Variants in MRTFB observed in about 807,000 individuals in gnomAD.
MRTFB encodes the protein myocardin-related transcription factor B.
In MRTFB, 29 loss-of-function variants were observed where a neutral mutation model predicts 104.2. That is an observed-to-expected ratio of 0.28 (90% CI 0.21 to 0.38). MRTFB has a LOEUF of 0.38. MRTFB is among the 10% of genes least tolerant of loss of function. The pLI is 1.00. For synonymous variants in MRTFB, 535 were observed against 519.5 expected, an observed-to-expected ratio of 1.03 and a Z score of -0.41; for missense variants, 1,270 against 1,341.6, an observed-to-expected ratio of 0.95 and a Z score of 0.83.
intron 2 of MRTFB, among the ~76,000 whole-genome samples, chr16:14,112,338 G>A (rs1232976330): frequency 6.6e-6 from 1 of 152,198 alleles, no homozygotes; most frequent in Non-Finnish European, 1.5e-5. Flanking sequence ...CCTGGTTTAG[G>A]GAATGATCAT....
At chr16:14,065,267 A>C in the MRTFB span, among the ~76,000 whole-genome samples, 1 of 152,064 alleles carries the variant, frequency 6.6e-6, no homozygotes, top group Non-Finnish European at 1.5e-5. Context: ...CTTGGATGCT[A>C]TTGGTGTATG....
chr16:14,139,698 C>T (rs2037898710), intron 2 of MRTFB, among the ~76,000 whole-genome samples: 1 of 152,162 alleles, frequency 6.6e-6, no homozygotes, highest in Admixed American at 6.5e-5. Context: ...TTTGTAGCAT[C>T]CTTATTTGTA....
In MRTFB at chr16:14,177,098, G is replaced by A. The variant is rs1341861864; in HGVS notation, c.155-33145G>A. Among the ~76,000 whole-genome samples, 1 of 152,236 alleles carries A rather than the reference G, an allele frequency of 6.6e-6. No homozygotes were observed. The highest frequency in any genetic ancestry group is 1.9e-4 in the East Asian group (1 of 5,202). The stretch of plus-strand genomic sequence containing the variant: ...AACAAGGACAACACAGAGTGTATTA[G>A]TGAATACCAAGTAGTTCGAATTAGC... On this transcript the variant is annotated intron_variant, in intron 3 of 16. Transcript: ENST00000571589. This position sits in a 1 kb window ranked among gnomAD's most constrained non-coding sequence, Gnocchi z 4.7.
intron 3 of MRTFB, chr16:14,152,468 C>T (rs2038661954): frequency 6.6e-6 from 1 of 151,986 alleles, no homozygotes; most frequent in South Asian, 2.1e-4. Flanking sequence ...GCTGTAAGGT[C>T]ACTAGAGGGG....
chr16:14,234,464 A>G (rs977274516), intron 9 of MRTFB, among the ~76,000 whole-genome samples, 181 bp downstream of exon 9: 3 of 152,212 alleles, frequency 2.0e-5, no homozygotes, highest in South Asian at 2.1e-4. Flanking sequence ...AAATTGTGCT[A>G]TAGTCATAGA....
intron 3 of MRTFB, among the ~76,000 whole-genome samples, chr16:14,149,015 C>CA (rs1256643684): frequency 6.6e-6 from 1 of 152,156 alleles, no homozygotes; most frequent in African/African-American, 2.4e-5. Flanking sequence ...CCAGCTCTCT[C>CA]AATTAGTCAG....
intron 3 of MRTFB, among the ~76,000 whole-genome samples, chr16:14,178,628 A>G (rs571811234): frequency 2.0e-5 from 3 of 152,094 alleles, no homozygotes; most frequent in Non-Finnish European, 4.4e-5. Context: ...TCCTCTCTCC[A>G]TTTGAGTTAT....
At chr16:14,017,625 A>G in the MRTFB span, among the ~76,000 whole-genome samples, 13 of 66,324 alleles carry the variant, frequency 2.0e-4, 1 homozygote, top group South Asian at 8.5e-4. Context: ...ATATATATAT[A>G]TATATATATA....
intron 3 of MRTFB, among the ~76,000 whole-genome samples, chr16:14,158,031 A>G (rs567474708): frequency 6.6e-6 from 1 of 152,320 alleles, no homozygotes; most frequent in Non-Finnish European, 1.5e-5. Flanking sequence ...TTTTTAAGCT[A>G]TATGGTTTTT....
chr16:14,116,688 A>G lies in MRTFB; in HGVS notation c.-63-23856A>G, dbSNP rs1156929614. Among the ~76,000 whole-genome samples, 14 of 152,224 alleles carry G rather than the reference A, an allele frequency of 9.2e-5. No homozygotes were observed. The South Asian group carries it at 1.9e-3, about 20-fold the overall frequency. On this transcript the variant is annotated intron_variant, in intron 2 of 16. Coordinates refer to ENST00000571589, the MANE Select transcript of MRTFB (RefSeq NM_001308142.2). ...TGGGGGCGGTGGGGCGGGGGTGGTC[A>G]TTGTAAGCACCATTGTAAGGTGTTT...
chr16:14,030,254 G>A, the MRTFB span, among the ~76,000 whole-genome samples: 1 of 152,152 alleles, frequency 6.6e-6, no homozygotes, highest in African/African-American at 2.4e-5. Flanking sequence ...GCCCACAGCG[G>A]GTTAGCAACA....
intron 3 of MRTFB, chr16:14,200,754 G>A (rs2040660783): frequency 6.8e-7 from 1 of 1,480,884 alleles, no homozygotes; most frequent in Non-Finnish European, 9.4e-7. Context: ...CTTGTTGCCT[G>A]TCCAGTGCTG....
At chr16:13,997,536 T>G in the MRTFB span, among the ~76,000 whole-genome samples, 44 of 152,248 alleles carry the variant, frequency 2.9e-4, no homozygotes, top group South Asian at 8.9e-3. Context: ...GGCTCATGCC[T>G]TTAATCTTAA....
intron 1 of MRTFB, among the ~76,000 whole-genome samples, 153 bp from the exon 2 acceptor site, chr16:14,079,137 A>G (rs1452739813): frequency 1.3e-5 from 2 of 152,226 alleles, no homozygotes; most frequent in Non-Finnish European, 2.9e-5. Flanking sequence ...TACATTTTCA[A>G]ATTTTTACTT....
At chr16:14,082,062 G>T (rs1230643891) in intron 2 of MRTFB, among the ~76,000 whole-genome samples, 1 of 152,188 alleles carries the variant, frequency 6.6e-6, no homozygotes, top group East Asian at 1.9e-4. Context: ...CCATTTGTCA[G>T]TTTGTGCTTT....
At chr16:14,191,730 T>C (rs914238591) in intron 3 of MRTFB, 5 of 152,208 alleles carry the variant, frequency 3.3e-5, no homozygotes, top group African/African-American at 1.2e-4. Context: ...ATTAATGGCT[T>C]ACCCCAAATG....
At chr16:14,111,226 G>T (rs76974090) in intron 2 of MRTFB, among the ~76,000 whole-genome samples, 3,698 of 152,262 alleles carry the variant, frequency 0.024, 165 homozygotes, top group African/African-American at 0.084. Flanking sequence ...GAGAGGTGGG[G>T]TTAACCCTGG....
At chr16:14,053,252 G>C in the MRTFB span, among the ~76,000 whole-genome samples, 1 of 151,950 alleles carries the variant, frequency 6.6e-6, no homozygotes, top group Non-Finnish European at 1.5e-5. Flanking sequence ...GTGTGTGTGT[G>C]TATAAATGGA....
chr16:14,013,366 C>A, the MRTFB span: 13 of 152,302 alleles, frequency 8.5e-5, no homozygotes, highest in African/African-American at 2.4e-4. Flanking sequence ...GGTATTGAAT[C>A]TTTACCTCTA....
Sources: gnomAD v4.1 joint callset for allele counts (sites outside exome capture counted in the v4.1 genomes callset) on GRCh38, gnomAD v4.1.1 for gene constraint, Gnocchi (gnomAD v3.1) non-coding constraint, MANE v1.5 for transcripts, NCBI Gene and HGNC (gene_info 2026-07-23, HGNC 2026-07-21) for gene names.